Variants in LUC7L2 observed in about 807,000 individuals in gnomAD.
The protein encoded by LUC7L2 is putative RNA-binding protein Luc7-like 2.
In LUC7L2, 25 loss-of-function variants were observed where a neutral mutation model predicts 52.8. The observed-to-expected ratio is 0.47, with a 90% confidence interval of 0.34 to 0.66. The LOEUF is 0.66. Among genes scored for constraint, LUC7L2 ranks in the 30% least tolerant of loss-of-function variants. The pLI is 0.01. For synonymous variants in LUC7L2, 144 were observed against 160.9 expected (o/e 0.89, Z 0.80); for missense variants, 328 against 497.8 (o/e 0.66, Z 3.25).
chr7:139,367,143 T>C (rs898587593), intron 1 of LUC7L2, among the ~76,000 whole-genome samples: 1 of 152,050 alleles, frequency 6.6e-6, no homozygotes, highest in Non-Finnish European at 1.5e-5. Flanking sequence ...TGCTAATTTT[T>C]GTATTTTTAG....
chr7:139,392,582 C>T lies in LUC7L2; in HGVS notation c.157-6017C>T, dbSNP rs779968106. 43 of 214,164 alleles carry T rather than the reference C, an allele frequency of 2.0e-4. 1 individual carries two copies. Among genetic ancestry groups the T allele is most frequent in the Non-Finnish European group, 3.0e-5 (3 of 101,336 alleles). 13.3% of individuals were successfully genotyped at this position (214,164 alleles called of 1,614,324 possible). On this transcript the variant is annotated intron_variant, in intron 2 of 9. Coordinates refer to ENST00000354926, the MANE Select transcript of LUC7L2 (RefSeq NM_016019.5). ...AAATAAGCATTTTTTAAAAAATCTA[C>T]AATCTAAGCATTTAGATGTAAAAAT...
chr7:139,345,708 T>C (rs1331254444), intron 1 of LUC7L2: 1 of 1,613,678 alleles, frequency 6.2e-7, no homozygotes, highest in African/African-American at 1.3e-5. Flanking sequence ...GCCATGAACA[T>C]GGAGAATATC....
intron 1 of LUC7L2, among the ~76,000 whole-genome samples, chr7:139,364,548 T>C (rs1800049726): frequency 6.6e-6 from 1 of 152,214 alleles, no homozygotes; most frequent in African/African-American, 2.4e-5. Flanking sequence ...AGTTAACATA[T>C]TAATCATAAT....
At position 139,407,197 on chromosome 7, in the gene LUC7L2, A is replaced by G; in HGVS notation, c.534A>G (p.Pro178=). Residue 178 remains proline, a synonymous_variant, in exon 6 of 10, where the codon CCA becomes CCG. Coordinates refer to ENST00000354926, the MANE Select transcript of LUC7L2 (RefSeq NM_016019.5). The stretch of plus-strand genomic sequence containing the variant: ...AGGAAGTTTATCGGAATTCTATGCC[A>G]GCTTCCAGTTTTCAGCAGCAGAAAC... ...EAEEVYRNSM[P]ASSFQQQKLR... is the part of the protein sequence containing the mutation. 1 of 1,610,460 alleles carries G rather than the reference A, an allele frequency of 6.2e-7. No homozygotes were observed. The highest frequency in any genetic ancestry group is 8.5e-7 in the Non-Finnish European group (1 of 1,177,996).
chr7:139,378,173 G>A (rs765236130), intron 2 of LUC7L2, among the ~76,000 whole-genome samples: 77 of 152,098 alleles, frequency 5.1e-4, no homozygotes, highest in Non-Finnish European at 9.4e-4. Context: ...TATACCGTGT[G>A]CTATGCTGCA....
At chr7:139,347,632 T>C (rs997382360) in intron 1 of LUC7L2, among the ~76,000 whole-genome samples, 1 of 152,106 alleles carries the variant, frequency 6.6e-6, no homozygotes, top group Non-Finnish European at 1.5e-5. Flanking sequence ...TCTAAGAGGT[T>C]AACATTAAAA....
At chr7:139,358,826 G>A (rs990770419), upstream of LUC7L2, among the ~76,000 whole-genome samples, 15 of 151,952 alleles carry the variant, frequency 9.9e-5, no homozygotes, top group Admixed American at 6.5e-4. Context: ...CTGGGGAGGC[G>A]CCCGCCATCA....
chr7:139,351,923 G>A (rs1799469479), intron 1 of LUC7L2, among the ~76,000 whole-genome samples: 1 of 152,156 alleles, frequency 6.6e-6, no homozygotes, highest in Non-Finnish European at 1.5e-5. Flanking sequence ...CATGTGGGGA[G>A]GTGGCTCCTG....
chr7:139,396,076 C>T (rs898237268), intron 2 of LUC7L2, among the ~76,000 whole-genome samples: 3 of 152,174 alleles, frequency 2.0e-5, no homozygotes, highest in African/African-American at 7.2e-5. Context: ...AGTGTTTGAA[C>T]ATCTCATTTA....
intron 8 of LUC7L2, among the ~76,000 whole-genome samples, chr7:139,414,943 G>C (rs1371771029): frequency 6.6e-6 from 1 of 151,798 alleles, no homozygotes; most frequent in Non-Finnish European, 1.5e-5. Context: ...CTGGAGTGCA[G>C]TGGCAAAATG....
chr7:139,390,232 TCTCTCTC>T (rs1442618837), intron 2 of LUC7L2, among the ~76,000 whole-genome samples: 2 of 151,060 alleles, frequency 1.3e-5, no homozygotes, highest in African/African-American at 2.5e-5. Context: ...TCTCTCTCTC[TCTCTCTC>T]TTTTTTTCTT....
At position 139,360,255 on chromosome 7, in the gene LUC7L2, C is replaced by A; in HGVS notation, c.-7C>A. ...ACCCCCGCCCGTCCGCCCGCTACGC[C>A]GCCGCCATGTCGGCGCAGGCCCAGA... is the stretch of plus-strand genomic sequence containing the variant. On this transcript the variant is annotated 5_prime_UTR_variant, in exon 1 of 10. Coordinates refer to ENST00000354926, the MANE Select transcript of LUC7L2 (RefSeq NM_016019.5). 6.4e-7 allele frequency: 1 copy of A among 1,553,690 alleles called. No individual in the cohort carries two copies. Among genetic ancestry groups the A allele is most frequent in the Non-Finnish European group, 8.7e-7 (1 of 1,150,210 alleles).
intron 2 of LUC7L2, among the ~76,000 whole-genome samples, chr7:139,382,531 C>A (rs994130236): frequency 1.3e-5 from 2 of 152,062 alleles, no homozygotes; most frequent in Non-Finnish European, 2.9e-5. Flanking sequence ...CAGCCACGCG[C>A]AGCCACAGCC....
intron 2 of LUC7L2, among the ~76,000 whole-genome samples, chr7:139,390,389 T>C (rs1442106494): frequency 6.6e-6 from 1 of 151,142 alleles, no homozygotes; most frequent in African/African-American, 2.4e-5. Context: ...GCCTCTTGAG[T>C]AGCTAATTTT....
chr7:139,364,989 TAAC>T (rs1204125091), intron 1 of LUC7L2, among the ~76,000 whole-genome samples: 2 of 152,340 alleles, frequency 1.3e-5, no homozygotes, highest in African/African-American at 2.4e-5. Context: ...TTTTAAATAA[TAAC>T]AGGATATTTC....
upstream of LUC7L2, among the ~76,000 whole-genome samples, chr7:139,355,349 AT>A (rs79068897): frequency 0.022 from 3,148 of 145,980 alleles, 83 homozygotes; most frequent in African/African-American, 0.064. Context: ...ATTTCTATAC[AT>A]TTTTTTTTTT....
chr7:139,341,201 C>T, intron 1 of LUC7L2: 1 of 1,076,656 alleles, frequency 9.3e-7, no homozygotes. Flanking sequence ...GATTTTGTTA[C>T]GGCGCCCCTG....
intron 2 of LUC7L2, among the ~76,000 whole-genome samples, chr7:139,398,071 C>T (rs898971581): frequency 2.0e-5 from 3 of 152,062 alleles, no homozygotes; most frequent in East Asian, 1.9e-4. Flanking sequence ...CCAGGCTAGG[C>T]TGGTCTCAAA....
At chr7:139,354,140 A>G (rs1799540944) in intron 1 of LUC7L2, among the ~76,000 whole-genome samples, 1 of 152,190 alleles carries the variant, frequency 6.6e-6, no homozygotes, top group Admixed American at 6.6e-5. Flanking sequence ...AAAATTTACA[A>G]ACAGGAGAAC....
Sources: gnomAD v4.1 joint callset for allele counts (sites outside exome capture counted in the v4.1 genomes callset) on GRCh38, gnomAD v4.1.1 for gene constraint, MANE v1.5 for transcripts, NCBI Gene and HGNC (gene_info 2026-07-23, HGNC 2026-07-21) for gene names.